Variants in CNTNAP2 observed in about 807,000 individuals in gnomAD.
CNTNAP2 encodes contactin associated protein 2.
CNTNAP2 carries 98 observed loss-of-function variants against 155.2 expected under a neutral mutation model. The ratio of observed to expected loss-of-function variants is 0.63; its 90% CI spans 0.54 to 0.75. The LOEUF is 0.75. Among genes scored for constraint, CNTNAP2 ranks in the 30% least tolerant of loss-of-function variants. The probability of loss-of-function intolerance (pLI) is 0.00; values close to 1 mark genes in which losing one functional copy is unlikely to be tolerated. For missense variants in CNTNAP2, 1,727 were observed against 1,688.1 expected, an observed-to-expected ratio of 1.02 and a Z score of -0.40; for synonymous variants, 651 against 631.2, an observed-to-expected ratio of 1.03 and a Z score of -0.47.
intron 17 of CNTNAP2, among the ~76,000 whole-genome samples, chr7:148,171,603 C>A (rs1009062573): frequency 1.3e-5 from 2 of 152,142 alleles, no homozygotes; most frequent in East Asian, 1.9e-4. Flanking sequence ...TGCTATATGT[C>A]GTGTAATGAC....
chr7:146,323,637 G>A (rs1156939274), intron 1 of CNTNAP2, among the ~76,000 whole-genome samples: 1 of 151,900 alleles, frequency 6.6e-6, no homozygotes, highest in African/African-American at 2.4e-5. Flanking sequence ...TCTATGATAG[G>A]TCCATAAATA....
chr7:147,110,353 G>A (rs1800850015), intron 5 of CNTNAP2, among the ~76,000 whole-genome samples: 1 of 149,876 alleles, frequency 6.7e-6, no homozygotes, highest in South Asian at 2.1e-4. Context: ...GCAAAGTAAT[G>A]GTACCTTTTT....
chr7:146,546,242 A>T (rs1397930545), intron 1 of CNTNAP2, among the ~76,000 whole-genome samples: 2 of 151,936 alleles, frequency 1.3e-5, no homozygotes, highest in Non-Finnish European at 2.9e-5. Context: ...TTTGAAATTG[A>T]CTTGGTAGAA....
At chr7:147,685,598 T>TG (rs1232247971) in intron 13 of CNTNAP2, among the ~76,000 whole-genome samples, 1 of 151,290 alleles carries the variant, frequency 6.6e-6, no homozygotes, top group Non-Finnish European at 1.5e-5. Flanking sequence ...GATAACACAG[T>TG]GAAAAAAAAA....
intron 14 of CNTNAP2, among the ~76,000 whole-genome samples, chr7:147,917,218 T>C (rs1209423098): frequency 6.6e-6 from 1 of 152,250 alleles, no homozygotes; most frequent in African/African-American, 2.4e-5. Flanking sequence ...CTCAGACTAA[T>C]TAAATCAAAG....
chr7:147,429,922 C>T (rs1465055686), intron 10 of CNTNAP2, among the ~76,000 whole-genome samples: 1 of 151,986 alleles, frequency 6.6e-6, no homozygotes, highest in Non-Finnish European at 1.5e-5. Context: ...GGTGTACATC[C>T]TTGTTTTTAT....
intron 1 of CNTNAP2, among the ~76,000 whole-genome samples, chr7:146,337,694 T>C (rs1439721477): frequency 9.9e-5 from 15 of 152,124 alleles, no homozygotes; most frequent in Admixed American, 9.8e-4. Context: ...GGTCTCAAAC[T>C]CCTGGGTTCA....
intron 2 of CNTNAP2, among the ~76,000 whole-genome samples, chr7:146,821,679 C>T (rs1478448736): frequency 6.6e-6 from 1 of 152,070 alleles, no homozygotes; most frequent in Non-Finnish European, 1.5e-5. Context: ...ACAGACACTT[C>T]TCAAAAGAAG....
chr7:147,185,646 A>G (rs1374622906), intron 8 of CNTNAP2, among the ~76,000 whole-genome samples: 1 of 152,198 alleles, frequency 6.6e-6, no homozygotes, highest in Admixed American at 6.5e-5. Flanking sequence ...ACCAAAATTC[A>G]GAATACTAGG....
At chr7:146,150,020 A>T (rs939932137) in intron 1 of CNTNAP2, among the ~76,000 whole-genome samples, 1 of 152,156 alleles carries the variant, frequency 6.6e-6, no homozygotes, top group Non-Finnish European at 1.5e-5. Flanking sequence ...TTCACACTAT[A>T]TATCTTTGAC....
chr7:146,639,327 A>T (rs1449659978), intron 1 of CNTNAP2, among the ~76,000 whole-genome samples: 1 of 152,200 alleles, frequency 6.6e-6, no homozygotes, highest in Non-Finnish European at 1.5e-5. Flanking sequence ...GTTCTCTACT[A>T]TAAAGAAAAC....
rs148137015 is a variant in CNTNAP2 at position 147,474,883 on chromosome 7, G to A, written c.1671-11052G>A. ...AGGGGAAAGCTGAAGAGTGATTCTT[G>A]GAGGGGAAAATGGAGATTTCTGACC... On this transcript the variant is annotated intron_variant, in intron 10 of 23. Coordinates refer to ENST00000361727, the MANE Select transcript of CNTNAP2 (RefSeq NM_014141.6). Among the ~76,000 whole-genome samples the A allele has an allele frequency of 3.6e-3, 547 of 152,212 alleles. 5 individuals carry two copies. The highest frequency in any genetic ancestry group is 0.01 in the African/African-American group (418 of 41,532).
rs577775078 is a variant in CNTNAP2 at position 147,303,798 on chromosome 7, T to C, written c.1498+3508T>C. Reference sequence around the variant, plus strand: ...TGCTAAATGCTGACTGACTTTCCAATGCATCTTGAGCCTTTCTTTTAACTC... The same window carrying C: ...TGCTAAATGCTGACTGACTTTCCAACGCATCTTGAGCCTTTCTTTTAACTC... On this transcript the variant is annotated intron_variant, in intron 9 of 23. Transcript: ENST00000361727. Among the ~76,000 whole-genome samples, 4 of 152,348 alleles carry C rather than the reference T, an allele frequency of 2.6e-5. No homozygotes were observed. The South Asian group carries it at 6.2e-4, about 24-fold the overall frequency.
At chr7:146,235,208 T>C (rs568185605) in intron 1 of CNTNAP2, among the ~76,000 whole-genome samples, 2 of 152,114 alleles carry the variant, frequency 1.3e-5, no homozygotes, top group South Asian at 4.1e-4. Context: ...GTTTCACTTA[T>C]TTTTCCTTTC....
rs549850540 is a variant in CNTNAP2, at chr7:147,476,099, T to TTTTA, written c.1671-9816_1671-9813dup. ...GCCTCTGTTTATTTTTATTTTTTATTTTTATTTATTTATTTATTTATTTTG... is the reference window on the plus strand; with the variant it reads ...GCCTCTGTTTATTTTTATTTTTTATTTTTATTTATTTATTTATTTATTTATTTTG... On this transcript the variant is annotated intron_variant, in intron 10 of 23. Coordinates refer to ENST00000361727, the MANE Select transcript of CNTNAP2 (RefSeq NM_014141.6). Among the ~76,000 whole-genome samples, 995 of 151,904 alleles carry TTTTA rather than the reference T, an allele frequency of 6.6e-3. 14 individuals are homozygous for TTTTA. Among genetic ancestry groups the TTTTA allele is most frequent in the African/African-American group, 0.021 (886 of 41,454 alleles).
rs555590454 is a variant in CNTNAP2, at chr7:147,744,513, G to A, written c.2098+105207G>A. Among the ~76,000 whole-genome samples the A allele has an allele frequency of 1.4e-4, 22 of 152,248 alleles. 1 individual carries two copies. The highest frequency in any genetic ancestry group is 2.5e-4 in the Non-Finnish European group (17 of 68,014). ...CTAGACTGAACTAATTGTTCAGGAC[G>A]TCAGAGGACAAGTTTAGTTCTTGCT... On this transcript the variant is annotated intron_variant, in intron 13 of 23. Transcript: ENST00000361727.
intron 12 of CNTNAP2, among the ~76,000 whole-genome samples, chr7:147,564,281 A>G (rs1161106515): frequency 6.6e-6 from 1 of 151,690 alleles, no homozygotes; most frequent in Non-Finnish European, 1.5e-5. Context: ...TTTTTTTTCT[A>G]TTTTGAAAAA....
chr7:146,534,155 T>A (rs546247954), intron 1 of CNTNAP2, among the ~76,000 whole-genome samples: 6 of 152,250 alleles, frequency 3.9e-5, no homozygotes, highest in African/African-American at 1.4e-4. Flanking sequence ...ACAGTCTGTA[T>A]AGGAGAAAAA....
intron 10 of CNTNAP2, among the ~76,000 whole-genome samples, chr7:147,477,224 A>T (rs1798338947): frequency 6.6e-6 from 1 of 152,152 alleles, no homozygotes; most frequent in African/African-American, 2.4e-5. Context: ...ATGAATTTAA[A>T]TTTAAAATTT....
Sources: allele counts gnomAD v4.1 joint callset (sites outside exome capture counted in the v4.1 genomes callset), GRCh38; gene constraint gnomAD v4.1.1; transcripts MANE v1.5; gene names NCBI Gene and HGNC (gene_info 2026-07-23, HGNC 2026-07-21).